Variants in TPD52L2 observed in about 807,000 individuals in gnomAD.
TPD52L2 encodes the protein tumor protein D54.
TPD52L2 carries 19 observed loss-of-function variants against 24.7 expected under a neutral mutation model. The ratio of observed to expected loss-of-function variants is 0.77; its 90% CI spans 0.54 to 1.13. The LOEUF is 1.13. Ranked by LOEUF, TPD52L2 falls within the 50% of genes most tolerant of loss-of-function variation. The pLI is 0.00. For synonymous variants in TPD52L2, 104 were observed against 100.2 expected, an observed-to-expected ratio of 1.04 and a Z score of -0.23; for missense variants, 236 against 250.4, an observed-to-expected ratio of 0.94 and a Z score of 0.39.
At chr20:63,887,661 G>A in intron 5 of TPD52L2, 1 of 1,564,278 alleles carries the variant, frequency 6.4e-7, no homozygotes, top group Non-Finnish European at 8.8e-7. Flanking sequence ...GTGGGGGTTG[G>A]GGCAGCTCCC....
At chr20:63,874,374 T>A (rs1450608864) in intron 3 of TPD52L2, among the ~76,000 whole-genome samples, 2 of 150,936 alleles carry the variant, frequency 1.3e-5, no homozygotes, top group East Asian at 1.9e-4. Context: ...TTTTTTTTTT[T>A]TTTATTATTA....
At position 63,873,689 on chromosome 20, in the gene TPD52L2, C is replaced by T; in HGVS notation, c.187C>T (p.Leu63=). The T allele has an allele frequency of 6.2e-7, 1 of 1,610,472 alleles. No individual in the cohort carries two copies. The highest frequency in any genetic ancestry group is 8.5e-7 in the Non-Finnish European group (1 of 1,178,746). Residue 63 remains leucine, a synonymous_variant, in exon 3 of 7, where the codon CTG becomes TTG. Transcript: ENST00000346249. ...GCAGGTGGAAGAGGAAATTGTCACT[C>T]TGCGCCAGGTCCTGGCAGCCAAGGA... ...LTKVEEEIVT[L]RQVLAAKERH... is the part of the protein sequence containing the mutation.
intron 2 of TPD52L2, 47 bp downstream of exon 2, chr20:63,869,488 C>T (rs752800622): frequency 3.1e-6 from 5 of 1,605,934 alleles, no homozygotes; most frequent in East Asian, 2.2e-5. Context: ...GAGTTAAGGC[C>T]CTCTTGGATT....
At chr20:63,872,828 C>T (rs771571495) in intron 2 of TPD52L2, among the ~76,000 whole-genome samples, 3 of 152,272 alleles carry the variant, frequency 2.0e-5, no homozygotes, top group Admixed American at 6.5e-5. Flanking sequence ...CTCAGCCTCC[C>T]GAGTAGCTGG....
chr20:63,872,539 G>A (rs2052506828), intron 2 of TPD52L2, among the ~76,000 whole-genome samples: 1 of 151,702 alleles, frequency 6.6e-6, no homozygotes, highest in Non-Finnish European at 1.5e-5. Flanking sequence ...CACCATACCT[G>A]GCTAATTTTT....
At chr20:63,872,058 T>C (rs1427607228) in intron 2 of TPD52L2, among the ~76,000 whole-genome samples, 2 of 151,736 alleles carry the variant, frequency 1.3e-5, no homozygotes, top group Admixed American at 6.6e-5. Context: ...TTTTTTTTTT[T>C]TTTTTAAAGA....
chr20:63,870,366 C>G (rs6122201), intron 2 of TPD52L2, among the ~76,000 whole-genome samples: 2 of 152,066 alleles, frequency 1.3e-5, no homozygotes, highest in Non-Finnish European at 2.9e-5. Flanking sequence ...GTTTCAGATC[C>G]TGAGGACATC....
At chr20:63,889,304 A>T in intron 6 of TPD52L2, 66 bp downstream of exon 6, 1 of 1,386,630 alleles carries the variant, frequency 7.2e-7, no homozygotes, top group South Asian at 1.2e-5. Flanking sequence ...CTTGTTTATT[A>T]TTAGTCATTT....
intron 5 of TPD52L2, among the ~76,000 whole-genome samples, chr20:63,885,435 C>T (rs1354834545): frequency 6.6e-6 from 1 of 152,250 alleles, no homozygotes; most frequent in Admixed American, 6.5e-5. Flanking sequence ...CAGTGAGTGG[C>T]AGCAGCTGCC....
chr20:63,867,531 A>T lies in TPD52L2; in HGVS notation c.20-1765A>T, dbSNP rs533891935. Among the ~76,000 whole-genome samples the T allele has an allele frequency of 1.8e-3, 276 of 151,618 alleles. 1 individual carries two copies. The highest frequency in any genetic ancestry group is 6.4e-3 in the African/African-American group (264 of 41,348). On this transcript the variant is annotated intron_variant, in intron 1 of 6. Coordinates refer to ENST00000346249, the MANE Select transcript of TPD52L2 (RefSeq NM_003288.4). ...CAGTGAGCGGAGATCGTGCCACTGCACTCCAGCCTGGGTGACAGAGTAAGA... is the reference window on the plus strand; with the variant it reads ...CAGTGAGCGGAGATCGTGCCACTGCTCTCCAGCCTGGGTGACAGAGTAAGA...
intron 1 of TPD52L2, among the ~76,000 whole-genome samples, 154 bp downstream of exon 1, chr20:63,865,538 G>C (rs1309271596): frequency 6.6e-6 from 1 of 151,988 alleles, no homozygotes; most frequent in East Asian, 1.9e-4. Context: ...TGACCTCGAA[G>C]CTTATGATGG....
At chr20:63,885,178 C>T (rs781558441) in intron 5 of TPD52L2, among the ~76,000 whole-genome samples, 10 of 152,224 alleles carry the variant, frequency 6.6e-5, no homozygotes, top group Non-Finnish European at 1.0e-4. Context: ...GCCCAACGCC[C>T]GTGTCCATGA....
rs34999748 is a variant in TPD52L2, at chr20:63,877,033, GT to G, written c.374+1168del. ...GCCCTGGGTTTTTTTTGTTTGTTTG[GT>G]TTTTTTTTTGAGACAACGTCTCGTT... is the stretch of plus-strand genomic sequence containing the variant. On this transcript the variant is annotated intron_variant, in intron 4 of 6. Coordinates refer to ENST00000346249, the MANE Select transcript of TPD52L2 (RefSeq NM_003288.4). This position sits in a 1 kb window ranked among gnomAD's most constrained non-coding sequence, Gnocchi z 4.1. The G allele has an allele frequency of 6.8e-4, 272 of 399,414 alleles. No homozygotes were observed. Among genetic ancestry groups the G allele is most frequent in the Middle Eastern group, 1.6e-3 (2 of 1,234 alleles). The allele number at this position is 399,414 out of a possible 1,614,324, so 24.7% of individuals were successfully genotyped here.
chr20:63,885,584 C>T (rs570368379), intron 5 of TPD52L2, among the ~76,000 whole-genome samples: 39 of 152,348 alleles, frequency 2.6e-4, no homozygotes, highest in Middle Eastern at 6.8e-3. Context: ...GAACACGGGC[C>T]GCTCTCGTTC....
In TPD52L2 at chr20:63,882,743, T is replaced by C. The variant is rs2052949501; in HGVS notation, c.399T>C (p.Leu133=). Residue 133 remains leucine (L), a synonymous_variant, in exon 5 of 7, where the codon CTT becomes CTC. Transcript: ENST00000346249. ...GCTACAAGAAGACTCAGGAAACTCTTTCACAGGCAGGACAGAAGACTTCAG... is the reference window on the plus strand; with the variant it reads ...GCTACAAGAAGACTCAGGAAACTCTCTCACAGGCAGGACAGAAGACTTCAG... The part of the protein sequence containing the change: ...SDLYKKTQET[L]SQAGQKTSAA... 1 of 1,614,034 alleles carries C rather than the reference T, an allele frequency of 6.2e-7. No homozygotes were observed. Among genetic ancestry groups the C allele is most frequent in the African/African-American group, 1.3e-5 (1 of 74,934 alleles).
intron 5 of TPD52L2, among the ~76,000 whole-genome samples, chr20:63,885,479 G>A (rs1438487855): frequency 6.6e-6 from 1 of 152,244 alleles, no homozygotes; most frequent in African/African-American, 2.4e-5. Context: ...TGGCGTCTGT[G>A]GGCACGGATG....
At chr20:63,866,251 C>A (rs1235051441) in intron 1 of TPD52L2, among the ~76,000 whole-genome samples, 4 of 151,758 alleles carry the variant, frequency 2.6e-5, no homozygotes, top group Admixed American at 2.6e-4. Flanking sequence ...ACTACAGGCA[C>A]GCGCCACCAG....
rs749021471 is a variant in TPD52L2, at chr20:63,889,909, T to C, written c.585T>C (p.Ser195=). 1 of 1,613,912 alleles carries C rather than the reference T, an allele frequency of 6.2e-7. No individual in the cohort carries two copies. The highest frequency in any genetic ancestry group is 8.5e-7 in the Non-Finnish European group (1 of 1,179,976). The change falls in exon 7 of 7, where the codon AGT becomes AGC. Residue 195 remains serine (S), a synonymous_variant. Coordinates refer to ENST00000346249, the MANE Select transcript of TPD52L2 (RefSeq NM_003288.4). ...GSDNLPSSAG[S]GDKPLSDPAP... is the part of the protein sequence containing the mutation. ...ACAACCTCCCTTCCTCAGCGGGGAG[T>C]GGTGACAAGCCCCTGTCGGATCCCG...
chr20:63,871,978 A>C (rs1024868362), intron 2 of TPD52L2, among the ~76,000 whole-genome samples: 1 of 152,028 alleles, frequency 6.6e-6, no homozygotes, highest in South Asian at 2.1e-4. Context: ...TATGAGCTGA[A>C]GATACTGAGA....
Sources: allele counts gnomAD v4.1 joint callset (sites outside exome capture counted in the v4.1 genomes callset), GRCh38; gene constraint gnomAD v4.1.1; non-coding constraint Gnocchi (gnomAD v3.1); transcripts MANE v1.5; gene names NCBI Gene and HGNC (gene_info 2026-07-23, HGNC 2026-07-21).